The following FANCD2 variants were observed in gnomAD, a reference collection of about 807,000 sequenced individuals.
FANCD2 encodes the protein Fanconi anemia group D2 protein.
Under a neutral mutation model 192.3 loss-of-function variants are expected in FANCD2, and 131 were observed. That is an observed-to-expected ratio of 0.68 (90% CI 0.59 to 0.79). The LOEUF (loss-of-function observed/expected upper bound fraction) is 0.79. Ranked by LOEUF, FANCD2 falls within the 30% of genes least tolerant of loss-of-function variation. FANCD2 has a pLI of 0.00. For synonymous variants in FANCD2, 524 were observed against 612.5 expected (o/e 0.86, Z 2.13); for missense variants, 1,508 against 1,701.6 (o/e 0.89, Z 2.00).
Position 10,034,717 on chromosome 3 carries a change from G to A in FANCD2, c.296G>A (p.Gly99Asp), listed in dbSNP as rs202196826. The A allele has an allele frequency of 1.3e-6, 2 of 1,569,162 alleles. No homozygotes were observed. Among genetic ancestry groups the A allele is most frequent in the East Asian group, 4.6e-5 (2 of 43,028 alleles). Residue 99 changes from glycine (G) to aspartate (D), a missense_variant, in exon 5 of 44, where the codon GGC (glycine) becomes GAC (aspartate). Physicochemically the swap from Gly to Asp is moderately conservative, Grantham distance 94. Around this residue, in one of 5 missense-constraint regions of FANCD2, gnomAD observed 435 missense variants for 421.9 expected, o/e 1.03. Coordinates refer to ENST00000675286, the MANE Select transcript of FANCD2 (RefSeq NM_001018115.3). ...AAGATAATAGAAGAATTTGTTAGTG[G>A]CCTGGAGTCTTACATTGAGGATGAA... is the stretch of plus-strand genomic sequence containing the variant. ...YPKIIEEFVSGLESYIEDEDS... is the reference protein window; with the variant it reads ...YPKIIEEFVSDLESYIEDEDS...
At chr3:10,027,480 C>T (rs10212432) in intron 1 of FANCD2, among the ~76,000 whole-genome samples, 13,034 of 152,190 alleles carry the variant, frequency 0.086, 1,791 homozygotes, top group African/African-American at 0.29. Flanking sequence ...GGCACTTCCC[C>T]CACCTCTGCT....
chr3:10,031,620 C>G (rs1181721502), intron 2 of FANCD2, among the ~76,000 whole-genome samples: 1 of 151,726 alleles, frequency 6.6e-6, no homozygotes, highest in Non-Finnish European at 1.5e-5. Context: ...TTTCTTGTTT[C>G]TTATTTCTTT....
At chr3:10,057,618 C>G (rs2087452704) in intron 18 of FANCD2, among the ~76,000 whole-genome samples, 1 of 152,086 alleles carries the variant, frequency 6.6e-6, no homozygotes, top group Non-Finnish European at 1.5e-5. Flanking sequence ...CTGTCTCAGC[C>G]CCTCAAAGTG....
intron 14 of FANCD2, chr3:10,046,335 G>T (rs184433000): frequency 4.2e-6 from 2 of 475,964 alleles, no homozygotes; most frequent in Non-Finnish European, 7.4e-6. Flanking sequence ...TTACAGATGT[G>T]AGCCACTGTG....
intron 26 of FANCD2, among the ~76,000 whole-genome samples, chr3:10,069,266 G>A (rs575327958): frequency 6.6e-6 from 1 of 152,192 alleles, no homozygotes; most frequent in South Asian, 2.1e-4. Flanking sequence ...TCTGACAAGG[G>A]ACTAATAACT....
At chr3:10,032,707 A>G in intron 2 of FANCD2, 125 bp from the exon 3 acceptor site, 1 of 778,516 alleles carries the variant, frequency 1.3e-6, no homozygotes, top group Non-Finnish European at 2.2e-6. Context: ...ATTTCACTAC[A>G]GCATCAATCC....
rs532765216 is a variant in FANCD2, at chr3:10,036,086, C to CTTTTTTTT, written c.439-189_439-182dup. On this transcript the variant is annotated intron_variant, in intron 6 of 43. Coordinates refer to ENST00000675286, the MANE Select transcript of FANCD2 (RefSeq NM_001018115.3). ...TAGTTGGAAAGAGAATTATACATTTCTTTTTTTTTTTTTTTTTTTGAGTCA... is the reference window on the plus strand; with the variant it reads ...TAGTTGGAAAGAGAATTATACATTTCTTTTTTTTTTTTTTTTTTTTTTTTTTTGAGTCA... Among the ~76,000 whole-genome samples the CTTTTTTTT allele has an allele frequency of 4.1e-4, 42 of 102,554 alleles. 3 individuals carry two copies. Among genetic ancestry groups the CTTTTTTTT allele is most frequent in the African/African-American group, 1.3e-3 (31 of 23,970 alleles). 67.3% of individuals were successfully genotyped at this position (102,554 alleles called of 152,430 possible).
chr3:10,057,565 A>G (rs895310798), intron 18 of FANCD2, among the ~76,000 whole-genome samples: 6 of 152,044 alleles, frequency 3.9e-5, no homozygotes, highest in South Asian at 2.1e-4. Flanking sequence ...GGGTTTCACC[A>G]TGTTGGCCAG....
chr3:10,046,516 T>G lies in FANCD2; in HGVS notation c.1135-64T>G, dbSNP rs35744325. On this transcript the variant is annotated intron_variant, in intron 14 of 43. Coordinates refer to ENST00000675286, the MANE Select transcript of FANCD2 (RefSeq NM_001018115.3). ...TTTAATTAGAGGAAAAGCTGCTGTT[T>G]CATTGTAGCAAATGTACTGATTTGT... The G allele has an allele frequency of 5.5e-3, 8,756 of 1,601,714 alleles. 316 individuals carry two copies. In the African/African-American group the frequency reaches 0.1, roughly 19 times the overall value.
At chr3:10,071,615 TG>T (rs1575806987) in intron 26 of FANCD2, among the ~76,000 whole-genome samples, 1 of 152,154 alleles carries the variant, frequency 6.6e-6, no homozygotes. Context: ...TTGTGGGAGC[TG>T]AAAATTAAAA....
intron 5 of FANCD2, 27 bp from the exon 6 acceptor site, chr3:10,035,146 G>A: frequency 3.8e-6 from 6 of 1,586,100 alleles, no homozygotes; most frequent in Non-Finnish European, 5.2e-6. Flanking sequence ...AAGCAAAGTG[G>A]AAAACAGATT....
intron 28 of FANCD2, among the ~76,000 whole-genome samples, chr3:10,073,908 G>A (rs1693387359): frequency 6.6e-6 from 1 of 152,144 alleles, no homozygotes; most frequent in Admixed American, 6.5e-5. Flanking sequence ...GGGGTTTGAA[G>A]CCAGATCATT....
At chr3:10,075,097 A>G (rs992395711) in intron 29 of FANCD2, among the ~76,000 whole-genome samples, 3 of 152,224 alleles carry the variant, frequency 2.0e-5, no homozygotes, top group African/African-American at 4.8e-5. Flanking sequence ...TCAGTAGTAC[A>G]TAGAGCATCA....
intron 32 of FANCD2, among the ~76,000 whole-genome samples, chr3:10,084,033 G>T (rs752837688): frequency 2.6e-5 from 4 of 151,358 alleles, no homozygotes; most frequent in Non-Finnish European, 5.9e-5. Context: ...TCACTCTGTC[G>T]CTCAGGCTGG....
intron 20 of FANCD2, among the ~76,000 whole-genome samples, chr3:10,063,238 C>T: frequency 6.6e-6 from 1 of 152,042 alleles, no homozygotes; most frequent in Non-Finnish European, 1.5e-5. Context: ...AGTTTGAGAC[C>T]AGCCTGGCCA....
Position 10,052,381 on chromosome 3 carries a change from C to T in FANCD2, c.1546-6C>T, listed in dbSNP as rs1270874564. 2 of 1,577,282 alleles carry T rather than the reference C, an allele frequency of 1.3e-6. No homozygotes were observed. The highest frequency in any genetic ancestry group is 1.7e-6 in the Non-Finnish European group (2 of 1,146,594). ...AGCCTCATTGTTGGCATCATTTTTT[C>T]CACAGGGCATTTTAGATTATCTGGA... On this transcript the variant is annotated splice_polypyrimidine_tract_variant and splice_region_variant and intron_variant, in intron 17 of 43. Coordinates refer to ENST00000675286, the MANE Select transcript of FANCD2 (RefSeq NM_001018115.3).
At chr3:10,056,041 G>T (rs1202821670) in intron 18 of FANCD2, among the ~76,000 whole-genome samples, 3 of 152,020 alleles carry the variant, frequency 2.0e-5, no homozygotes, top group Non-Finnish European at 4.4e-5. Flanking sequence ...ACCACTCCCG[G>T]CTGATTTTTG....
intron 9 of FANCD2, chr3:10,040,201 AT>A (rs1195077495): frequency 2.7e-5 from 9 of 339,548 alleles, no homozygotes; most frequent in Non-Finnish European, 4.5e-5. Flanking sequence ...TGCCCGACTA[AT>A]TTTTTTGGTA....
intron 2 of FANCD2, among the ~76,000 whole-genome samples, chr3:10,031,875 G>T (rs1451891513): frequency 6.6e-6 from 1 of 152,076 alleles, no homozygotes; most frequent in African/African-American, 2.4e-5. Flanking sequence ...GAGACAGAGT[G>T]TCACTCTGTT....
Sources: gnomAD v4.1 joint callset for allele counts (sites outside exome capture counted in the v4.1 genomes callset) on GRCh38, gnomAD v4.1.1 for gene constraint, gnomAD v4.1.1 regional missense constraint, MANE v1.5 for transcripts, NCBI Gene and HGNC (gene_info 2026-07-23, HGNC 2026-07-21) for gene names.